Variants in WASF2 observed in about 807,000 individuals in gnomAD.
WASF2 encodes WASP family member 2, also known as actin-binding protein WASF2.
WASF2 carries 14 observed loss-of-function variants against 45.0 expected under a neutral mutation model. The observed-to-expected ratio is 0.31, with a 90% CI of 0.21 to 0.49. The LOEUF is 0.49. Among genes scored for constraint, WASF2 ranks in the 20% least tolerant of loss-of-function variants. The pLI is 0.99. For missense variants in WASF2, 439 were observed against 636.1 expected (o/e 0.69, Z 3.33); for synonymous variants, 200 against 236.3 (o/e 0.85, Z 1.41).
intron 1 of WASF2, among the ~76,000 whole-genome samples, chr1:27,474,928 G>C (rs1334013995): frequency 6.6e-6 from 1 of 152,034 alleles, no homozygotes; most frequent in Non-Finnish European, 1.5e-5. Flanking sequence ...CTCCAGCCTA[G>C]GTGACAGAGT....
chr1:27,469,729 G>A (rs1482737754), intron 1 of WASF2, among the ~76,000 whole-genome samples: 3 of 152,106 alleles, frequency 2.0e-5, no homozygotes, highest in African/African-American at 7.2e-5. Flanking sequence ...ATCACCTGAG[G>A]TCAGGAATTA....
intron 2 of WASF2, among the ~76,000 whole-genome samples, chr1:27,423,857 T>C (rs1232329056): frequency 1.3e-5 from 2 of 152,216 alleles, no homozygotes; most frequent in East Asian, 3.8e-4. Context: ...AGTGGGAGTC[T>C]TGGAGCTCCC....
At chr1:27,428,247 G>T (rs1050258050) in intron 2 of WASF2, among the ~76,000 whole-genome samples, 15 of 152,168 alleles carry the variant, frequency 9.9e-5, no homozygotes, top group African/African-American at 3.4e-4. Flanking sequence ...TACCAGGGTG[G>T]ACAAGTCAGT....
rs532593374 is a variant in WASF2 at position 27,405,186 on chromosome 1, G to C, written c.*3003C>G. ...CTCGGCTCTGCGTTGACATTGGCCA[G>C]GGTCGTTTCTGAGGGCGCTCGGGCT... On this transcript the variant is annotated 3_prime_UTR_variant, in exon 9 of 9. Coordinates refer to ENST00000618852, the MANE Select transcript of WASF2 (RefSeq NM_006990.5). 6.6e-6 allele frequency: 1 copy of C among 152,272 alleles called. No homozygotes were observed. The highest frequency in any genetic ancestry group is 1.9e-4 in the East Asian group (1 of 5,206). 9.4% of individuals were successfully genotyped at this position (152,272 alleles called of 1,614,324 possible).
At chr1:27,431,844 G>T (rs1316209760) in intron 1 of WASF2, among the ~76,000 whole-genome samples, 1 of 152,210 alleles carries the variant, frequency 6.6e-6, no homozygotes, top group Admixed American at 6.5e-5. Flanking sequence ...GTTTTCTAAA[G>T]CAAATGGCTT....
At chr1:27,427,985 G>T (rs2017011011) in intron 2 of WASF2, among the ~76,000 whole-genome samples, 1 of 151,926 alleles carries the variant, frequency 6.6e-6, no homozygotes, top group Admixed American at 6.6e-5. Flanking sequence ...CAAACCACAT[G>T]CATGTACCCC....
intron 1 of WASF2, among the ~76,000 whole-genome samples, chr1:27,451,919 G>A (rs2017388681): frequency 6.6e-6 from 1 of 152,122 alleles, no homozygotes. Context: ...GGCACAGTAA[G>A]ACATTAAGAA....
intron 1 of WASF2, among the ~76,000 whole-genome samples, chr1:27,456,423 G>C (rs930003385): frequency 1.3e-4 from 20 of 151,788 alleles, no homozygotes; most frequent in African/African-American, 4.8e-4. Context: ...TAAGGAGTAG[G>C]AGCTAATGAA....
At chr1:27,462,876 A>G (rs12028112) in intron 1 of WASF2, among the ~76,000 whole-genome samples, 27,262 of 151,940 alleles carry the variant, frequency 0.18, 3,516 homozygotes, top group East Asian at 0.37. Flanking sequence ...CTCTGTCGCA[A>G]TGGTGCGATC....
At chr1:27,471,588 A>G (rs939637457) in intron 1 of WASF2, among the ~76,000 whole-genome samples, 2 of 152,140 alleles carry the variant, frequency 1.3e-5, no homozygotes, top group African/African-American at 4.8e-5. Flanking sequence ...AGATGGCGCC[A>G]CTGTACTGCA....
At chr1:27,438,660 T>C (rs1284623912) in intron 1 of WASF2, among the ~76,000 whole-genome samples, 2 of 152,354 alleles carry the variant, frequency 1.3e-5, no homozygotes, top group East Asian at 3.9e-4. Flanking sequence ...TGTGTGGTCA[T>C]GGAGCAGGTG....
At chr1:27,434,857 G>A (rs1227062390) in intron 1 of WASF2, among the ~76,000 whole-genome samples, 1 of 152,162 alleles carries the variant, frequency 6.6e-6, no homozygotes, top group Non-Finnish European at 1.5e-5. Flanking sequence ...TGCCATGATG[G>A]CATTCGTGCT....
chr1:27,435,206 A>G (rs934187718), intron 1 of WASF2, among the ~76,000 whole-genome samples: 1 of 152,112 alleles, frequency 6.6e-6, no homozygotes, highest in Non-Finnish European at 1.5e-5. Flanking sequence ...TTGGCCTCCC[A>G]AAGTGTTGGG....
chr1:27,404,519 A>AG lies in WASF2; in HGVS notation c.*3669dup, dbSNP rs370230314. Reference sequence around the variant, plus strand: ...ACTGAAGAGCTCCTTTCCCATCCTCAGGGGAAGAGTGCCTGTTTTCAAACG... The same window carrying AG: ...ACTGAAGAGCTCCTTTCCCATCCTCAGGGGGAAGAGTGCCTGTTTTCAAACG... On this transcript the variant is annotated 3_prime_UTR_variant, in exon 9 of 9. Transcript: ENST00000618852. 1.3e-5 allele frequency: 2 copies of AG among 152,178 alleles called. No homozygotes were observed. The highest frequency in any genetic ancestry group is 4.8e-5 in the African/African-American group (2 of 41,444). 9.4% of individuals were successfully genotyped at this position (152,178 alleles called of 1,614,324 possible). A position where few individuals can be genotyped will look rare whatever the true frequency, so the allele number is the denominator to read the frequency against.
In WASF2 at chr1:27,477,266, G is replaced by A. The variant is rs749438145; in HGVS notation, c.-44+12720C>T. Among the ~76,000 whole-genome samples, 28 of 152,282 alleles carry A rather than the reference G, an allele frequency of 1.8e-4. 1 individual carries two copies. In the Middle Eastern group the frequency reaches 0.01, roughly 55 times the overall value. On this transcript the variant is annotated intron_variant, in intron 1 of 8. Coordinates refer to ENST00000618852, the MANE Select transcript of WASF2 (RefSeq NM_006990.5). ...TTTAAATGTCTTTTTAAGGCCAGGC[G>A]CGGTGGCTCACGCCTGTAATCCCAG...
At chr1:27,486,916 A>AT (rs1420067581) in intron 1 of WASF2, among the ~76,000 whole-genome samples, 4 of 149,102 alleles carry the variant, frequency 2.7e-5, no homozygotes, top group Non-Finnish European at 5.9e-5. Flanking sequence ...TGATATATAT[A>AT]TAATATATAG....
At chr1:27,461,601 T>C (rs936415442) in intron 1 of WASF2, among the ~76,000 whole-genome samples, 3 of 151,902 alleles carry the variant, frequency 2.0e-5, no homozygotes, top group Non-Finnish European at 2.9e-5. Flanking sequence ...CAGCTGGGAC[T>C]ACAGGCGCCC....
At position 27,412,665 on chromosome 1, in the gene WASF2, C is replaced by G; in HGVS notation, c.731G>C (p.Ser244Thr). The change falls in exon 7 of 9, where the codon AGT becomes ACT. Residue 244 changes from serine (S) to threonine (T), a missense_variant. Transcript: ENST00000618852. Reference protein sequence around the residue: ...SIGCVENVDASSYPPPPQSDS... With the variant: ...SIGCVENVDATSYPPPPQSDS... ...TGACTGTGGTGGTGGCGGATAGCTACTTGCATCCACGTTTTCAACACAGCC... is the reference window on the plus strand; with the variant it reads ...TGACTGTGGTGGTGGCGGATAGCTAGTTGCATCCACGTTTTCAACACAGCC... 1 of 1,614,204 alleles carries G rather than the reference C, an allele frequency of 6.2e-7. No individual in the cohort carries two copies. Among genetic ancestry groups the G allele is most frequent in the East Asian group, 2.2e-5 (1 of 44,880 alleles).
intron 1 of WASF2, among the ~76,000 whole-genome samples, chr1:27,459,897 T>C (rs1299411567): frequency 1.3e-5 from 2 of 152,242 alleles, no homozygotes; most frequent in Non-Finnish European, 2.9e-5. Flanking sequence ...TTTGAAAGTT[T>C]AGCGATTTGA....
Sources: gnomAD v4.1 joint callset for allele counts (sites outside exome capture counted in the v4.1 genomes callset) on GRCh38, gnomAD v4.1.1 for gene constraint, MANE v1.5 for transcripts, NCBI Gene and HGNC (gene_info 2026-07-23, HGNC 2026-07-21) for gene names.